The following ELF4 variants were observed in gnomAD, a reference collection of about 807,000 sequenced individuals.
The protein encoded by ELF4 is ETS-related transcription factor Elf-4.
A neutral mutation model predicts 31.7 loss-of-function variants in ELF4; 10 were observed. That is an observed-to-expected ratio of 0.32 (90% CI 0.19 to 0.54). The LOEUF is 0.54. Among genes scored for constraint, ELF4 ranks in the 20% least tolerant of loss-of-function variants. The pLI is 0.95. For synonymous variants in ELF4, 208 were observed against 226.7 expected (o/e 0.92, Z 0.74); for missense variants, 418 against 522.0 (o/e 0.80, Z 1.94).
At chrX:130,068,587 A>C (rs775527856) in intron 8 of ELF4, among the ~76,000 whole-genome samples, 1 of 112,493 alleles carries the variant, frequency 8.9e-6, no homozygotes, top group South Asian at 3.7e-4. Flanking sequence ...CACATAACCC[A>C]ACAAAGTCCA....
At chrX:130,096,848 A>G (rs1285748438) in intron 1 of ELF4, among the ~76,000 whole-genome samples, 1 of 110,978 alleles carries the variant, frequency 9.0e-6, no homozygotes, top group Non-Finnish European at 1.9e-5. Flanking sequence ...AACACTTCCA[A>G]CTAAGGACTT....
intron 1 of ELF4, among the ~76,000 whole-genome samples, chrX:130,094,161 G>A (rs890726594): frequency 1.8e-5 from 2 of 111,178 alleles, no homozygotes; most frequent in Admixed American, 9.6e-5. Flanking sequence ...TCAGGTGGGC[G>A]GATCATGAGG....
intron 1 of ELF4, among the ~76,000 whole-genome samples, chrX:130,083,359 C>A (rs985381856): frequency 9.5e-6 from 1 of 105,542 alleles, no homozygotes; most frequent in Non-Finnish European, 2.0e-5. Context: ...GTCTGTCCCC[C>A]CTGCCCCCCC....
At chrX:130,071,675 C>T (rs901083100) in intron 5 of ELF4, among the ~76,000 whole-genome samples, 12 of 112,805 alleles carry the variant, frequency 1.1e-4, no homozygotes, top group Non-Finnish European at 1.9e-4. Context: ...CAGAATCTGC[C>T]TAGCCTAACT....
intron 1 of ELF4, among the ~76,000 whole-genome samples, chrX:130,082,466 AG>A (rs1254278588): frequency 8.9e-6 from 1 of 111,963 alleles, no homozygotes; most frequent in Non-Finnish European, 1.9e-5. Flanking sequence ...CCCCGACTGG[AG>A]GAGGGGCAGG....
At chrX:130,097,413 A>T (rs978829333) in intron 1 of ELF4, among the ~76,000 whole-genome samples, 2 of 110,416 alleles carry the variant, frequency 1.8e-5, no homozygotes, top group African/African-American at 6.6e-5. Flanking sequence ...CTCCAGCCTG[A>T]GCGACAGTGC....
intron 1 of ELF4, among the ~76,000 whole-genome samples, chrX:130,084,884 T>C (rs1298944588): frequency 2.7e-5 from 3 of 112,385 alleles, no homozygotes; most frequent in Admixed American, 9.3e-5. Flanking sequence ...AAACCAAAGA[T>C]GCCACCATCA....
intron 8 of ELF4, among the ~76,000 whole-genome samples, chrX:130,068,909 G>C (rs1932750831): frequency 8.9e-6 from 1 of 112,142 alleles, no homozygotes; most frequent in Admixed American, 9.4e-5. Flanking sequence ...TGGCGACAGA[G>C]TAGAGCTTGG....
chrX:130,067,931 G>A (rs1433380306), intron 8 of ELF4, among the ~76,000 whole-genome samples: 1 of 111,708 alleles, frequency 9.0e-6, no homozygotes. Flanking sequence ...TCCTGCCTCA[G>A]CCTCCCAAGT....
intron 1 of ELF4, among the ~76,000 whole-genome samples, chrX:130,101,476 A>G (rs1368018000): frequency 8.9e-6 from 1 of 112,347 alleles, no homozygotes; most frequent in Non-Finnish European, 1.9e-5. Context: ...TAACATAAGG[A>G]ACAAACATGA....
At chrX:130,092,919 C>G (rs1227532027) in intron 1 of ELF4, among the ~76,000 whole-genome samples, 1 of 110,749 alleles carries the variant, frequency 9.0e-6, no homozygotes, top group Non-Finnish European at 1.9e-5. Flanking sequence ...TCCATGCACA[C>G]TCAAGTCCCG....
rs1932647544 is a variant in ELF4, at chrX:130,065,606, A to AC, written c.*1114dup. ...CATGCTTGAGCAGGAATGGGGGTGG[A>AC]CCCCATCTAGGTCGCTGCCGGACTA... On this transcript the variant is annotated 3_prime_UTR_variant, in exon 9 of 9. Coordinates refer to ENST00000308167, the MANE Select transcript of ELF4 (RefSeq NM_001421.4). 1 of 174,210 alleles carries AC rather than the reference A, an allele frequency of 5.7e-6. No individual in the cohort carries two copies. The highest frequency in any genetic ancestry group is 2.9e-5 in the African/African-American group (1 of 33,928). The allele number at this position is 174,210 out of a possible 1,213,427, so 14.4% of individuals were successfully genotyped here. A position where few individuals can be genotyped will look rare whatever the true frequency, so the allele number is the denominator to read the frequency against.
chrX:130,072,126 C>A, intron 5 of ELF4, 100 bp downstream of exon 5: 1 of 1,067,277 alleles, frequency 9.4e-7, no homozygotes, highest in Non-Finnish European at 1.3e-6. Flanking sequence ...TCTGTCACAC[C>A]AGAGAGCTGG....
chrX:130,075,084 T>C (rs1932821441), intron 2 of ELF4, among the ~76,000 whole-genome samples: 1 of 109,726 alleles, frequency 9.1e-6, no homozygotes. Flanking sequence ...TTCTCCTACC[T>C]CAGCTTCCCC....
At chrX:130,107,655 C>A (rs1933400175) in intron 1 of ELF4, among the ~76,000 whole-genome samples, 1 of 112,429 alleles carries the variant, frequency 8.9e-6, no homozygotes, top group Admixed American at 9.4e-5. Flanking sequence ...CTAGGACCGG[C>A]TCTGAGCAAG....
Position 130,067,104 on chromosome X carries a change from T to C in ELF4, c.1609A>G (p.Lys537Glu). 3.3e-6 allele frequency: 4 copies of C among 1,205,664 alleles called. No homozygotes were observed. The East Asian group carries it at 1.2e-4, about 36-fold the overall frequency. ...TSGTTAAPRV[K>E]EGPLRSSSYV... ...GAGGAGGACCTCAGTGGCCCCTCCT[T>C]GACCCTAGGGGCTGCTGTAGTGCCA... The change falls in exon 9 of 9, where the codon AAG (lysine) becomes GAG (glutamate). Residue 537 changes from lysine to glutamate, a missense_variant. Lys to Glu is a moderately conservative substitution (Grantham distance 56, BLOSUM62 1). Around this residue, in one of 4 missense-constraint regions of ELF4, gnomAD observed 260 missense variants for 269.2 expected, o/e 0.97. Coordinates refer to ENST00000308167, the MANE Select transcript of ELF4 (RefSeq NM_001421.4).
intron 1 of ELF4, among the ~76,000 whole-genome samples, chrX:130,096,281 C>T (rs1603208710): frequency 9.0e-6 from 1 of 111,251 alleles, no homozygotes; most frequent in South Asian, 3.8e-4. Flanking sequence ...CTCCCGGGTT[C>T]AAGTTATTCT....
chrX:130,102,960 G>A (rs210008), intron 1 of ELF4, among the ~76,000 whole-genome samples: 591 of 50,836 alleles, frequency 0.012, 22 homozygotes, highest in African/African-American at 0.055. Flanking sequence ...GGAAGGGAGG[G>A]AGGAAGGAAG....
At chrX:130,102,724 G>A (rs1376897897) in intron 1 of ELF4, among the ~76,000 whole-genome samples, 1 of 108,027 alleles carries the variant, frequency 9.3e-6, no homozygotes, top group Non-Finnish European at 1.9e-5. Context: ...GGCTAAGGTG[G>A]TAGGATTACT....
Sources: allele counts gnomAD v4.1 joint callset (sites outside exome capture counted in the v4.1 genomes callset), GRCh38; gene constraint gnomAD v4.1.1; regional missense constraint gnomAD v4.1.1; transcripts MANE v1.5; gene names NCBI Gene and HGNC (gene_info 2026-07-23, HGNC 2026-07-21).